The following NALF1 variants were observed in gnomAD, a reference collection of about 807,000 sequenced individuals.
NALF1 encodes NALCN channel auxiliary factor 1.
NALF1 carries 3 observed loss-of-function variants against 48.4 expected under a neutral mutation model. The ratio of observed to expected loss-of-function variants is 0.06; its 90% CI spans 0.03 to 0.16. The LOEUF is 0.16. Ranked by LOEUF, NALF1 falls within the 10% of genes least tolerant of loss-of-function variation. The pLI is 1.00. For synonymous variants in NALF1, 262 were observed against 245.7 expected, an observed-to-expected ratio of 1.07 and a Z score of -0.62; for missense variants, 526 against 571.5, an observed-to-expected ratio of 0.92 and a Z score of 0.81.
At chr13:107,860,942 A>C (rs1181177461) in intron 1 of NALF1, among the ~76,000 whole-genome samples, 1 of 152,228 alleles carries the variant, frequency 6.6e-6, no homozygotes, top group African/African-American at 2.4e-5. Context: ...GGTTAAAAGC[A>C]ATATATAACA....
chr13:107,827,542 A>AAG (rs1268406112), intron 1 of NALF1, among the ~76,000 whole-genome samples: 1 of 152,226 alleles, frequency 6.6e-6, no homozygotes, highest in Non-Finnish European at 1.5e-5. Context: ...GCCATCGGGC[A>AAG]GTGTTAGAAT....
chr13:107,464,735 G>A (rs1594076731), intron 1 of NALF1, among the ~76,000 whole-genome samples: 1 of 152,140 alleles, frequency 6.6e-6, no homozygotes, highest in South Asian at 2.1e-4. Context: ...GGTCAGGCTG[G>A]TCTAGAACTC....
rs972945179 is a variant in NALF1 at position 107,699,737 on chromosome 13, T to G, written c.915+165945A>C. On this transcript the variant is annotated intron_variant, in intron 1 of 2. Transcript: ENST00000375915. Reference sequence around the variant, plus strand: ...AAGGAACAAGTAAAATTATCTGTATTTACAGATGAGATAATTCCATATGTA... The same window carrying G: ...AAGGAACAAGTAAAATTATCTGTATGTACAGATGAGATAATTCCATATGTA... Among the ~76,000 whole-genome samples the G allele has an allele frequency of 8.5e-5, 13 of 152,186 alleles. 2 individuals carry two copies. The South Asian group carries it at 2.1e-3, about 24-fold the overall frequency.
intron 1 of NALF1, among the ~76,000 whole-genome samples, chr13:107,490,842 A>G (rs192971968): frequency 6.6e-6 from 1 of 152,286 alleles, no homozygotes; most frequent in Non-Finnish European, 1.5e-5. Context: ...TTGAGAGGCT[A>G]ATAGAAATAT....
intron 1 of NALF1, among the ~76,000 whole-genome samples, chr13:107,465,297 G>A (rs930467107): frequency 1.6e-5 from 2 of 124,412 alleles, no homozygotes; most frequent in African/African-American, 3.1e-5. Context: ...TATATACTAC[G>A]AATCAAACTG....
chr13:107,784,568 T>C (rs573378253), intron 1 of NALF1, among the ~76,000 whole-genome samples: 4 of 151,758 alleles, frequency 2.6e-5, no homozygotes, highest in Non-Finnish European at 5.9e-5. Flanking sequence ...AACAAACAAT[T>C]CCCTCAAAAA....
At chr13:107,179,376 TG>T (rs1215658731) in intron 2 of NALF1, among the ~76,000 whole-genome samples, 2 of 151,732 alleles carry the variant, frequency 1.3e-5, no homozygotes, top group Non-Finnish European at 2.9e-5. Flanking sequence ...GGAAGGGTAG[TG>T]GGGGGTTGGT....
chr13:107,759,280 C>T (rs1263129369), intron 1 of NALF1, among the ~76,000 whole-genome samples: 1 of 152,174 alleles, frequency 6.6e-6, no homozygotes, highest in East Asian at 1.9e-4. Context: ...ATGATCTCAG[C>T]TCACTGGATC....
At chr13:107,175,429 A>T (rs1394603835) in intron 2 of NALF1, among the ~76,000 whole-genome samples, 1 of 152,064 alleles carries the variant, frequency 6.6e-6, no homozygotes, top group African/African-American at 2.4e-5. Context: ...TACTTTTTCT[A>T]AGTTTCAGCA....
intron 1 of NALF1, among the ~76,000 whole-genome samples, chr13:107,414,508 ATAAT>A: frequency 6.6e-6 from 1 of 150,626 alleles, no homozygotes; most frequent in South Asian, 2.1e-4. Context: ...TCTATTAAAT[ATAAT>A]TAAATTTAAT....
At chr13:107,530,225 C>T (rs1239799722) in intron 1 of NALF1, among the ~76,000 whole-genome samples, 1 of 152,120 alleles carries the variant, frequency 6.6e-6, no homozygotes, top group Non-Finnish European at 1.5e-5. Context: ...GGCCTAAAAG[C>T]TCTGTCCAAA....
intron 1 of NALF1, among the ~76,000 whole-genome samples, chr13:107,246,466 T>C (rs2138840071): frequency 6.6e-6 from 1 of 152,352 alleles, no homozygotes; most frequent in East Asian, 1.9e-4. Context: ...TATTATTTCA[T>C]CTTCTTCACT....
intron 1 of NALF1, among the ~76,000 whole-genome samples, chr13:107,241,406 G>A (rs936907656): frequency 6.6e-6 from 1 of 152,174 alleles, no homozygotes; most frequent in Non-Finnish European, 1.5e-5. Flanking sequence ...GATAATAACA[G>A]CAGGAAGCTG....
chr13:107,840,821 G>C (rs775304574), intron 1 of NALF1, among the ~76,000 whole-genome samples: 2 of 151,806 alleles, frequency 1.3e-5, no homozygotes, highest in Admixed American at 6.6e-5. Context: ...CTAGTCTCTG[G>C]GTTTTTGTTC....
chr13:107,469,232 C>T (rs1885056790), intron 1 of NALF1, among the ~76,000 whole-genome samples: 1 of 152,150 alleles, frequency 6.6e-6, no homozygotes, highest in Non-Finnish European at 1.5e-5. Flanking sequence ...TCAACCTAAG[C>T]TGCATATAAA....
chr13:107,418,461 C>T (rs552515620), intron 1 of NALF1, among the ~76,000 whole-genome samples: 4 of 152,212 alleles, frequency 2.6e-5, no homozygotes, highest in South Asian at 2.1e-4. Flanking sequence ...CACACAGAAA[C>T]GATGAGATAA....
chr13:107,429,909 T>A (rs1884346643), intron 1 of NALF1, among the ~76,000 whole-genome samples: 1 of 152,208 alleles, frequency 6.6e-6, no homozygotes, highest in Non-Finnish European at 1.5e-5. Context: ...CACAAAGACC[T>A]GGAATTTTTC....
chr13:107,589,714 T>C (rs1408160641), intron 1 of NALF1, among the ~76,000 whole-genome samples: 2 of 152,074 alleles, frequency 1.3e-5, no homozygotes, highest in African/African-American at 4.8e-5. Context: ...TTAGAATATT[T>C]CCAAAATACA....
chr13:107,390,518 A>C (rs1405260736), intron 1 of NALF1, among the ~76,000 whole-genome samples: 1 of 152,164 alleles, frequency 6.6e-6, no homozygotes, highest in East Asian at 1.9e-4. Context: ...GAACAGTAAC[A>C]GATAAGCAAT....
Sources: allele counts gnomAD v4.1 joint callset (sites outside exome capture counted in the v4.1 genomes callset), GRCh38; gene constraint gnomAD v4.1.1; transcripts MANE v1.5; gene names NCBI Gene and HGNC (gene_info 2026-07-23, HGNC 2026-07-21).